RGL1: variants seen among roughly 807,000 people sequenced by gnomAD.
RGL1 encodes ral guanine nucleotide dissociation stimulator like 1.
RGL1 carries 24 observed loss-of-function variants against 95.2 expected under a neutral mutation model. The observed-to-expected ratio is 0.25, with a 90% CI of 0.18 to 0.35. The LOEUF (loss-of-function observed/expected upper bound fraction) is 0.35. RGL1 is among the 10% of genes least tolerant of loss of function. The probability of loss-of-function intolerance (pLI) is 1.00; values close to 1 mark genes in which losing one functional copy is unlikely to be tolerated. For synonymous variants in RGL1, 329 were observed against 344.9 expected (o/e 0.95, Z 0.51); for missense variants, 715 against 936.3 (o/e 0.76, Z 3.08).
At chr1:183,776,333 A>G (rs1239787282) in intron 2 of RGL1, among the ~76,000 whole-genome samples, 1 of 151,552 alleles carries the variant, frequency 6.6e-6, no homozygotes, top group African/African-American at 2.4e-5. Context: ...TATTTTTAGT[A>G]GAGACGGGGT....
intron 1 of RGL1, among the ~76,000 whole-genome samples, chr1:183,684,599 G>T (rs971858613): frequency 6.6e-6 from 1 of 152,146 alleles, no homozygotes; most frequent in African/African-American, 2.4e-5. Flanking sequence ...GGAGTGAACC[G>T]TTCTGTCTCA....
At chr1:183,916,810 A>G in intron 16 of RGL1, 109 bp downstream of exon 16, 5 of 1,262,422 alleles carry the variant, frequency 4.0e-6, no homozygotes, top group Non-Finnish European at 5.5e-6. Flanking sequence ...ATATTAGCAT[A>G]TACATATATG....
intron 2 of RGL1, among the ~76,000 whole-genome samples, chr1:183,791,597 A>G (rs1475673412): frequency 6.6e-6 from 1 of 152,194 alleles, no homozygotes; most frequent in Non-Finnish European, 1.5e-5. Flanking sequence ...GTTGTGTTTT[A>G]TTGAAGAGTG....
chr1:183,842,350 T>A (rs1247635926), intron 2 of RGL1, among the ~76,000 whole-genome samples: 1 of 151,834 alleles, frequency 6.6e-6, no homozygotes, highest in Non-Finnish European at 1.5e-5. Context: ...TTTTTTCAAA[T>A]TAGAAACACC....
At chr1:183,656,691 C>T (rs77579948) in intron 1 of RGL1, among the ~76,000 whole-genome samples, 1,981 of 152,292 alleles carry the variant, frequency 0.013, 53 homozygotes, top group African/African-American at 0.046. Context: ...GCCAGTCGTT[C>T]CTTGCTCAGT....
chr1:183,889,243 G>A (rs959771471), intron 8 of RGL1, among the ~76,000 whole-genome samples: 1 of 152,172 alleles, frequency 6.6e-6, no homozygotes, highest in African/African-American at 2.4e-5. Flanking sequence ...AAGGAAAGGT[G>A]AGGGAGGGGG....
chr1:183,745,757 A>G (rs939413813), intron 2 of RGL1, among the ~76,000 whole-genome samples: 1 of 152,110 alleles, frequency 6.6e-6, no homozygotes, highest in African/African-American at 2.4e-5. Context: ...CATTTTCCAT[A>G]TGGATTTAGG....
intron 1 of RGL1, among the ~76,000 whole-genome samples, chr1:183,655,702 T>C (rs1651107656): frequency 6.6e-6 from 1 of 152,216 alleles, no homozygotes; most frequent in South Asian, 2.1e-4. Context: ...GAGAGCTTTC[T>C]GTAGGGCCAC....
At chr1:183,717,153 C>T (rs1160658013) in intron 1 of RGL1, among the ~76,000 whole-genome samples, 1 of 152,126 alleles carries the variant, frequency 6.6e-6, no homozygotes, top group African/African-American at 2.4e-5. Flanking sequence ...TTATATGTAC[C>T]TACTCCTAAA....
At chr1:183,837,376 A>G (rs1381120011) in intron 2 of RGL1, among the ~76,000 whole-genome samples, 1 of 151,500 alleles carries the variant, frequency 6.6e-6, no homozygotes, top group Non-Finnish European at 1.5e-5. Context: ...AAGCCAGGGC[A>G]CCTGTTAACC....
intron 1 of RGL1, among the ~76,000 whole-genome samples, chr1:183,661,602 G>A (rs1262121594): frequency 1.3e-5 from 2 of 151,318 alleles, no homozygotes; most frequent in Middle Eastern, 3.2e-3. Flanking sequence ...GGACCAGATG[G>A]ATTCACAGCC....
chr1:183,873,325 C>T (rs553121094), intron 4 of RGL1, among the ~76,000 whole-genome samples: 4 of 152,192 alleles, frequency 2.6e-5, no homozygotes, highest in Non-Finnish European at 5.9e-5. Context: ...CCATTGGCTA[C>T]AATTTGTGGT....
At chr1:183,922,132 A>T (rs1669339756) in intron 16 of RGL1, 90 bp from the exon 17 acceptor site, 1 of 1,067,290 alleles carries the variant, frequency 9.4e-7, no homozygotes, top group Admixed American at 1.9e-5. Context: ...AGGCATCACA[A>T]CACAAGACAG....
chr1:183,729,413 A>G (rs1230516104), intron 1 of RGL1, among the ~76,000 whole-genome samples: 1 of 152,184 alleles, frequency 6.6e-6, no homozygotes, highest in Non-Finnish European at 1.5e-5. Flanking sequence ...ACAATGTGAT[A>G]TCACTACACA....
At chr1:183,688,626 A>G (rs1653761785) in intron 1 of RGL1, among the ~76,000 whole-genome samples, 1 of 152,130 alleles carries the variant, frequency 6.6e-6, no homozygotes. Flanking sequence ...TTTTAATACC[A>G]TTAGTATTTG....
chr1:183,752,898 C>G (rs1427942741), intron 2 of RGL1, among the ~76,000 whole-genome samples: 2 of 152,264 alleles, frequency 1.3e-5, no homozygotes, highest in African/African-American at 4.8e-5. Flanking sequence ...CATCTTTTCT[C>G]TATAACTGTT....
intron 2 of RGL1, among the ~76,000 whole-genome samples, chr1:183,764,791 T>C (rs1392874086): frequency 6.6e-6 from 1 of 152,214 alleles, no homozygotes; most frequent in Admixed American, 6.5e-5. Context: ...ATACAATCTT[T>C]ATGTCTCCAA....
intron 1 of RGL1, among the ~76,000 whole-genome samples, chr1:183,739,030 C>T (rs936612903): frequency 3.5e-4 from 53 of 152,128 alleles, no homozygotes; most frequent in Admixed American, 2.9e-3. Flanking sequence ...ATAGAAGTCC[C>T]CTTGTTCAAA....
chr1:183,907,062 C>T lies in RGL1; in HGVS notation c.1523C>T (p.Ser508Leu), dbSNP rs144731841. 1.2e-5 allele frequency: 19 copies of T among 1,612,186 alleles called. No homozygotes were observed. Among genetic ancestry groups the T allele is most frequent in the Non-Finnish European group, 1.4e-5 (17 of 1,178,932 alleles). ...IEAAADASTT[S>L]PKPRKSMVKR... ...GCAGCTGCTGACGCCAGCACCACCT[C>T]GCCCAAGCCTCGGAAGAGCATGGTG... is the stretch of plus-strand genomic sequence containing the variant. The change falls in exon 14 of 18, where the codon TCG becomes TTG. Residue 508 changes from serine to leucine, a missense_variant. By Grantham distance (145) the Ser-to-Leu change is moderately radical. Transcript: ENST00000360851.
Sources: gnomAD v4.1 joint callset for allele counts (sites outside exome capture counted in the v4.1 genomes callset) on GRCh38, gnomAD v4.1.1 for gene constraint, MANE v1.5 for transcripts, NCBI Gene and HGNC (gene_info 2026-07-23, HGNC 2026-07-21) for gene names.